Variants in PATJ observed in about 807,000 individuals in gnomAD.
The protein encoded by PATJ is PATJ crumbs cell polarity complex component.
A neutral mutation model predicts 224.9 loss-of-function variants in PATJ; 190 were observed. The observed-to-expected ratio is 0.84, with a 90% CI of 0.75 to 0.95. The LOEUF is 0.95. Among genes scored for constraint, PATJ ranks in the 40% least tolerant of loss-of-function variants. The pLI is 0.00. For synonymous variants in PATJ, 769 were observed against 820.3 expected (o/e 0.94, Z 1.07); for missense variants, 2,121 against 2,270.3 (o/e 0.93, Z 1.34).
At chr1:62,103,188 T>C (rs1380132566) in intron 33 of PATJ, among the ~76,000 whole-genome samples, 1 of 152,150 alleles carries the variant, frequency 6.6e-6, no homozygotes, top group African/African-American at 2.4e-5. Context: ...CAAAATCAAA[T>C]ATTCAAAACA....
In PATJ at chr1:61,787,919, C is replaced by T; in HGVS notation, c.1015C>T (p.Pro339Ser). ...AGDISVTPPA[P>S]AALPVALPTV... ...TGACATTTCAGTCACCCCCCCTGCC[C>T]CTGCAGCCTTACCTGTTGCCCTGCC... Residue 339 changes from proline to serine, a missense_variant, in exon 8 of 44, where the codon CCT becomes TCT. Physicochemically the swap from Pro to Ser is moderately conservative, Grantham distance 74. Transcript: ENST00000642238. 6.2e-7 allele frequency: 1 copy of T among 1,614,010 alleles called. No individual in the cohort carries two copies. The highest frequency in any genetic ancestry group is 8.5e-7 in the Non-Finnish European group (1 of 1,180,024).
intron 27 of PATJ, among the ~76,000 whole-genome samples, chr1:61,946,989 C>G (rs1439965717): frequency 1.3e-5 from 2 of 152,166 alleles, no homozygotes; most frequent in African/African-American, 4.8e-5. Context: ...TCAATAGATT[C>G]AGAAAAGGCC....
intron 30 of PATJ, chr1:62,039,142 A>C: frequency 1.6e-6 from 1 of 628,912 alleles, no homozygotes; most frequent in Non-Finnish European, 3.0e-6. Flanking sequence ...GCAGCCTGTC[A>C]TAGGAACTCC....
chr1:61,995,989 A>G (rs990466540), intron 28 of PATJ, among the ~76,000 whole-genome samples: 4 of 152,246 alleles, frequency 2.6e-5, no homozygotes, highest in African/African-American at 9.6e-5. Flanking sequence ...CAAGAGGTGC[A>G]CAATTGATTG....
chr1:61,944,940 G>C (rs1678430761), intron 27 of PATJ, among the ~76,000 whole-genome samples: 1 of 152,156 alleles, frequency 6.6e-6, no homozygotes. Flanking sequence ...TTAAAGAAAA[G>C]AATTTTCAAC....
At chr1:62,106,158 G>GTGTGTGTGTATATATA (rs1356937495) in intron 33 of PATJ, among the ~76,000 whole-genome samples, 5 of 48,056 alleles carry the variant, frequency 1.0e-4, no homozygotes, top group African/African-American at 1.4e-4. Context: ...GTGTGTGTGT[G>GTGTGTGTGTATATATA]TATATATATA....
At chr1:61,981,652 G>A (rs577301321) in intron 27 of PATJ, among the ~76,000 whole-genome samples, 2 of 151,622 alleles carry the variant, frequency 1.3e-5, no homozygotes, top group Non-Finnish European at 2.9e-5. Context: ...GGAAACTCAG[G>A]AAAGCCTATT....
intron 25 of PATJ, 135 bp from the exon 26 acceptor site, chr1:61,914,452 A>G (rs4915789): frequency 0.66 from 297,799 of 450,278 alleles, 99,729 homozygotes; most frequent in East Asian, 0.79. Flanking sequence ...GCGAATCTCC[A>G]TCTCAGAAAA....
chr1:62,076,423 A>G (rs75416852), intron 31 of PATJ, among the ~76,000 whole-genome samples: 21,443 of 152,152 alleles, frequency 0.14, 1,818 homozygotes, highest in South Asian at 0.31. Flanking sequence ...TTCTTATAAT[A>G]CAGTAACATA....
intron 28 of PATJ, among the ~76,000 whole-genome samples, chr1:62,001,583 G>A (rs1284132226): frequency 2.0e-5 from 3 of 151,428 alleles, no homozygotes; most frequent in African/African-American, 7.3e-5. Flanking sequence ...TGCTGTTACT[G>A]TAGCCTTGTA....
chr1:62,153,481 G>A lies in PATJ; in HGVS notation c.5502G>A (p.Lys1834=). Residue 1834 remains lysine, a splice_region_variant and synonymous_variant, in exon 43 of 44, where the codon AAG becomes AAA. Transcript: ENST00000642238. ...LPIYVKTVFA[K]GAAADDGRLK... ...TTTATGTCAAGACTGTATTTGCAAA[G>A]GTATATCTTCTTTTTTAATGTACTT... 8.1e-7 allele frequency: 1 copy of A among 1,230,996 alleles called. No individual in the cohort carries two copies. Among genetic ancestry groups the A allele is most frequent in the Middle Eastern group, 3.1e-4 (1 of 3,208 alleles). The allele number at this position is 1,230,996 out of a possible 1,614,324, so 76.3% of individuals were successfully genotyped here.
At chr1:61,990,401 A>G (rs748120010) in intron 28 of PATJ, 37 bp downstream of exon 28, 1 of 1,498,194 alleles carries the variant, frequency 6.7e-7, no homozygotes, top group Admixed American at 1.8e-5. Context: ...CTTTTGGTGA[A>G]GTGGATGGGT....
intron 27 of PATJ, among the ~76,000 whole-genome samples, chr1:61,964,998 G>T (rs1044783914): frequency 6.6e-6 from 1 of 151,066 alleles, no homozygotes; most frequent in Non-Finnish European, 1.5e-5. Context: ...TGTAGCGCCA[G>T]CTGCTCGGGA....
At chr1:62,065,504 C>T (rs1222858981) in intron 31 of PATJ, among the ~76,000 whole-genome samples, 2 of 152,094 alleles carry the variant, frequency 1.3e-5, no homozygotes, top group Middle Eastern at 3.2e-3. Context: ...TCCAGCTACT[C>T]GAGAGGCTGA....
intron 27 of PATJ, among the ~76,000 whole-genome samples, chr1:61,934,290 G>C (rs1299934287): frequency 6.6e-6 from 1 of 152,152 alleles, no homozygotes; most frequent in Admixed American, 6.5e-5. Context: ...GGCTAATTTT[G>C]TATTTTTAGT....
At chr1:62,155,968 G>C (rs1047746347) in intron 43 of PATJ, among the ~76,000 whole-genome samples, 2 of 138,850 alleles carry the variant, frequency 1.4e-5, no homozygotes. Context: ...TGAGGCAGGA[G>C]AATGGCGTGA....
intron 7 of PATJ, 72 bp downstream of exon 7, chr1:61,775,406 T>C: frequency 3.0e-6 from 4 of 1,316,070 alleles, no homozygotes; most frequent in Non-Finnish European, 4.3e-6. Flanking sequence ...TGTAATTTTA[T>C]AACATGAGTT....
chr1:62,118,192 C>CTT (rs199756213), intron 37 of PATJ, among the ~76,000 whole-genome samples: 2,197 of 146,036 alleles, frequency 0.015, 28 homozygotes, highest in Non-Finnish European at 0.023. Flanking sequence ...GTTTGAAACA[C>CTT]TTTTTTTTTT....
At chr1:62,048,566 A>G (rs1435990203) in intron 30 of PATJ, among the ~76,000 whole-genome samples, 209 of 149,028 alleles carry the variant, frequency 1.4e-3, no homozygotes, top group African/African-American at 4.4e-3. Context: ...AAAAAAAAAA[A>G]AAAAGAAAAA....
Sources: gnomAD v4.1 joint callset for allele counts (sites outside exome capture counted in the v4.1 genomes callset) on GRCh38, gnomAD v4.1.1 for gene constraint, MANE v1.5 for transcripts, NCBI Gene and HGNC (gene_info 2026-07-23, HGNC 2026-07-21) for gene names.